The following KIF1B variants were observed in gnomAD, a reference collection of about 807,000 sequenced individuals.
KIF1B encodes the protein kinesin family member 1B.
KIF1B carries 76 observed loss-of-function variants against 241.9 expected under a neutral mutation model. The observed-to-expected ratio is 0.31, with a 90% CI of 0.26 to 0.38. The LOEUF (loss-of-function observed/expected upper bound fraction) is 0.38, where lower values mean the gene tolerates loss of function less well. KIF1B is among the 10% of genes least tolerant of loss of function. The probability of loss-of-function intolerance (pLI) is 1.00; values close to 1 mark genes in which losing one functional copy is unlikely to be tolerated. For synonymous variants in KIF1B, 750 were observed against 796.7 expected, an observed-to-expected ratio of 0.94 and a Z score of 0.99; for missense variants, 1,622 against 2,271.4, an observed-to-expected ratio of 0.71 and a Z score of 5.81.
chr1:10,341,971 C>T, intron 32 of KIF1B, 79 bp from the exon 33 acceptor site: 8 of 947,180 alleles, frequency 8.4e-6, no homozygotes, highest in African/African-American at 3.4e-5. Context: ...AAAAAAAACC[C>T]AAAATACGTA....
chr1:10,293,798 G>A (rs765423084), intron 17 of KIF1B, among the ~76,000 whole-genome samples: 5 of 152,154 alleles, frequency 3.3e-5, no homozygotes, highest in Non-Finnish European at 5.9e-5. Context: ...TCCAAAGTGA[G>A]ATCTCTGCTT....
intron 2 of KIF1B, among the ~76,000 whole-genome samples, chr1:10,249,311 TCAGTAGTA>T (rs1186481448): frequency 3.3e-5 from 5 of 152,236 alleles, no homozygotes; most frequent in African/African-American, 1.2e-4. Flanking sequence ...GCCCAGTCTT[TCAGTAGTA>T]CAATCCTCTT....
Position 10,336,697 on chromosome 1 carries a change from G to A in KIF1B, c.3084G>A (p.Gln1028=). The A allele has an allele frequency of 1.2e-6, 2 of 1,614,108 alleles. No homozygotes were observed. The highest frequency in any genetic ancestry group is 2.2e-5 in the South Asian group (2 of 91,084). The part of the protein sequence containing the change: ...EAPDYGSGIR[Q]SGTAKISFDN... The stretch of plus-strand genomic sequence containing the variant: ...CTGATTATGGCTCTGGAATTCGACA[G>A]TCAGGAACAGCTAAAATATCTTTTG... The change falls in exon 29 of 49, where the codon CAG becomes CAA. Residue 1028 remains glutamine (Q), a synonymous_variant. Transcript: ENST00000676179.
At chr1:10,270,276 G>C (rs1173268637) in intron 7 of KIF1B, among the ~76,000 whole-genome samples, 1 of 152,008 alleles carries the variant, frequency 6.6e-6, no homozygotes, top group Non-Finnish European at 1.5e-5. Flanking sequence ...TTCCGGACCT[G>C]CCCTTTTGTC....
chr1:10,332,312 T>C (rs1415299807), intron 27 of KIF1B, among the ~76,000 whole-genome samples: 2 of 151,882 alleles, frequency 1.3e-5, no homozygotes, highest in Non-Finnish European at 2.9e-5. Flanking sequence ...GTGACCCGCC[T>C]GCCTCGGCCT....
At chr1:10,259,397 C>T (rs1381434770) in intron 4 of KIF1B, among the ~76,000 whole-genome samples, 2 of 151,728 alleles carry the variant, frequency 1.3e-5, no homozygotes, top group Non-Finnish European at 1.5e-5. Context: ...TCACTGAGGC[C>T]TTGTCCTCCC....
chr1:10,247,574 T>A (rs138635584), intron 2 of KIF1B, among the ~76,000 whole-genome samples: 2,842 of 152,356 alleles, frequency 0.019, 40 homozygotes, highest in Non-Finnish European at 0.028. Flanking sequence ...GAATATTTTG[T>A]ACATTTACTT....
At chr1:10,267,316 C>A (rs958443867) in intron 5 of KIF1B, 64 bp from the exon 6 acceptor site, 10 of 1,475,850 alleles carry the variant, frequency 6.8e-6, no homozygotes, top group African/African-American at 4.2e-5. Context: ...GCGTGAGCCA[C>A]CGCGCCCGGC....
At chr1:10,354,553 C>T (rs1652908674) in intron 38 of KIF1B, among the ~76,000 whole-genome samples, 1 of 152,170 alleles carries the variant, frequency 6.6e-6, no homozygotes, top group Non-Finnish European at 1.5e-5. Context: ...TCACCATTTT[C>T]TAACCTTTTG....
At chr1:10,241,486 G>A (rs1359976587) in intron 2 of KIF1B, among the ~76,000 whole-genome samples, 1 of 152,138 alleles carries the variant, frequency 6.6e-6, no homozygotes, top group Non-Finnish European at 1.5e-5. Flanking sequence ...TAAGTTGGAG[G>A]CAGTTTTTGC....
chr1:10,307,919 C>A (rs1650906744), intron 22 of KIF1B: 3 of 1,051,180 alleles, frequency 2.9e-6, no homozygotes, highest in Non-Finnish European at 3.4e-6. Flanking sequence ...TCCTTCTAGC[C>A]CAGTGAATTA....
chr1:10,294,197 A>G (rs921835888), intron 17 of KIF1B, among the ~76,000 whole-genome samples: 14 of 152,164 alleles, frequency 9.2e-5, no homozygotes, highest in African/African-American at 2.4e-4. Flanking sequence ...CCAGTGGGTT[A>G]TTTTCACTAA....
At chr1:10,232,170 G>C in intron 1 of KIF1B, 80 bp from the exon 2 acceptor site, 1 of 622,510 alleles carries the variant, frequency 1.6e-6, no homozygotes, top group South Asian at 1.8e-5. Context: ...ATAGAACTAA[G>C]ATAGTAGTTC....
chr1:10,253,116 C>T (rs1292150117), intron 2 of KIF1B, among the ~76,000 whole-genome samples: 1 of 152,162 alleles, frequency 6.6e-6, no homozygotes, highest in Non-Finnish European at 1.5e-5. Context: ...ATGAAAATGC[C>T]TTCCTGCCTT....
At chr1:10,339,642 A>G in intron 31 of KIF1B, 127 bp from the exon 32 acceptor site, 1 of 791,856 alleles carries the variant, frequency 1.3e-6, no homozygotes. Context: ...CAAGGAAAGT[A>G]AATAACTTAA....
intron 44 of KIF1B, among the ~76,000 whole-genome samples, chr1:10,369,540 G>C (rs962655498): frequency 1.3e-4 from 20 of 152,382 alleles, no homozygotes; most frequent in African/African-American, 4.6e-4. Flanking sequence ...GGAGGCCAAG[G>C]CAGGATTGCC....
Position 10,256,278 on chromosome 1 carries a change from T to G in KIF1B, c.138T>G (p.Ala46=). The part of the protein sequence containing the change: ...SIINPKNPKE[A]PKSFSFDYSY... The stretch of plus-strand genomic sequence containing the variant: ...TTAACCCAAAGAATCCAAAGGAAGC[T>G]CCAAAGTCCTTCAGCTTCGACTATT... Residue 46 remains alanine (A), a synonymous_variant, in exon 3 of 49, where the codon GCT becomes GCG. Transcript: ENST00000676179. 1 of 1,612,458 alleles carries G rather than the reference T, an allele frequency of 6.2e-7. No homozygotes were observed. The highest frequency in any genetic ancestry group is 8.5e-7 in the Non-Finnish European group (1 of 1,178,464).
chr1:10,311,607 CAG>C, intron 22 of KIF1B, among the ~76,000 whole-genome samples: 1 of 151,584 alleles, frequency 6.6e-6, no homozygotes, highest in Admixed American at 6.5e-5. Flanking sequence ...CTGCTCTTAT[CAG>C]AGTCACAAAA....
At position 10,258,624 on chromosome 1, in the gene KIF1B, T is replaced by C. The variant is rs144889528; in HGVS notation, c.315T>C (p.Tyr105=). 1.2e-4 allele frequency: 188 copies of C among 1,614,024 alleles called. No homozygotes were observed. The highest frequency in any genetic ancestry group is 1.4e-4 in the Non-Finnish European group (161 of 1,180,028). The change falls in exon 4 of 49, where the codon TAT becomes TAC. Residue 105 remains tyrosine, a synonymous_variant. Transcript: ENST00000676179. ...AYGQTGAGKS[Y]TMMGKQEESQ... is the part of the protein sequence containing the mutation. Reference sequence around the variant, plus strand: ...GGCAGACTGGTGCTGGAAAATCTTATACAATGATGGGTAAACAAGAAGAAA... The same window carrying C: ...GGCAGACTGGTGCTGGAAAATCTTACACAATGATGGGTAAACAAGAAGAAA...
Sources: allele counts gnomAD v4.1 joint callset (sites outside exome capture counted in the v4.1 genomes callset), GRCh38; gene constraint gnomAD v4.1.1; transcripts MANE v1.5; gene names NCBI Gene and HGNC (gene_info 2026-07-23, HGNC 2026-07-21).